Variants in DOCK3 observed in about 807,000 individuals in gnomAD.
The protein encoded by DOCK3 is dedicator of cytokinesis protein 3.
Under a neutral mutation model 265.6 loss-of-function variants are expected in DOCK3, and 60 were observed. The observed-to-expected ratio is 0.23, with a 90% CI of 0.18 to 0.28. The LOEUF is 0.28. DOCK3 is among the 10% of genes least tolerant of loss of function. The probability of loss-of-function intolerance (pLI) is 1.00; values close to 1 mark genes in which losing one functional copy is unlikely to be tolerated. For missense variants in DOCK3, 1,981 were observed against 2,594.3 expected (o/e 0.76, Z 5.14); for synonymous variants, 881 against 938.0 (o/e 0.94, Z 1.11).
intron 10 of DOCK3, among the ~76,000 whole-genome samples, chr3:51,147,401 TTACATAGGTA>T (rs1273990550): frequency 6.6e-6 from 1 of 152,232 alleles, no homozygotes; most frequent in African/African-American, 2.4e-5. Flanking sequence ...TGCAGGTTTG[TTACATAGGTA>T]TACATGTGCC....
At chr3:51,275,230 C>G (rs761642857) in intron 25 of DOCK3, 24 bp downstream of exon 25, 3 of 1,613,386 alleles carry the variant, frequency 1.9e-6, no homozygotes, top group African/African-American at 1.3e-5. Context: ...ACCCACTCCA[C>G]CCTGTTCAGC....
At chr3:51,114,823 G>A (rs1387249476) in intron 9 of DOCK3, among the ~76,000 whole-genome samples, 2 of 151,488 alleles carry the variant, frequency 1.3e-5, no homozygotes, top group Non-Finnish European at 2.9e-5. Flanking sequence ...CCCCCAACAG[G>A]CCCCAGTGTG....
chr3:50,812,873 C>T (rs1050308799), intron 2 of DOCK3, among the ~76,000 whole-genome samples: 2 of 152,192 alleles, frequency 1.3e-5, no homozygotes, highest in Admixed American at 6.5e-5. Context: ...GTATTACTAA[C>T]CAGGGCAAAG....
At chr3:51,310,498 C>T (rs2083008197) in intron 28 of DOCK3, among the ~76,000 whole-genome samples, 172 bp downstream of exon 28, 2 of 152,174 alleles carry the variant, frequency 1.3e-5, no homozygotes, top group Non-Finnish European at 2.9e-5. Context: ...GATGATGGCA[C>T]AGTAAGGATA....
chr3:51,019,626 A>G (rs1201130549), intron 5 of DOCK3, among the ~76,000 whole-genome samples: 1 of 151,200 alleles, frequency 6.6e-6, no homozygotes, highest in Non-Finnish European at 1.5e-5. Context: ...TCCTCCTTCC[A>G]CCCTCACCTC....
chr3:50,700,661 A>T (rs573939665), intron 1 of DOCK3, among the ~76,000 whole-genome samples: 2 of 61,442 alleles, frequency 3.3e-5, no homozygotes, highest in East Asian at 6.1e-4. Flanking sequence ...TACATACCAC[A>T]TTATCTTTAT....
chr3:50,976,190 G>T (rs1331821993), intron 5 of DOCK3, among the ~76,000 whole-genome samples: 1 of 101,368 alleles, frequency 9.9e-6, no homozygotes, highest in African/African-American at 3.5e-5. Flanking sequence ...GCTAGCTTTT[G>T]AATGTGTTTG....
At chr3:51,024,925 C>T (rs758872960) in intron 5 of DOCK3, among the ~76,000 whole-genome samples, 7 of 152,052 alleles carry the variant, frequency 4.6e-5, no homozygotes, top group Admixed American at 1.3e-4. Flanking sequence ...TGATGATTGC[C>T]GAGGTCATGC....
intron 5 of DOCK3, among the ~76,000 whole-genome samples, chr3:50,978,893 G>A (rs1452447294): frequency 6.6e-6 from 1 of 152,208 alleles, no homozygotes; most frequent in African/African-American, 2.4e-5. Context: ...ATTCGGGTGG[G>A]AGTGACCCGA....
chr3:51,087,208 A>G lies in DOCK3; in HGVS notation c.550-2035A>G, dbSNP rs549795412. On this transcript the variant is annotated intron_variant, in intron 7 of 52. Coordinates refer to ENST00000266037, the MANE Select transcript of DOCK3 (RefSeq NM_004947.5). ...AGATGGGCCAGTATCCTTGATGAAC[A>G]CAATAAATACAGACACAAAAATCCT... Among the ~76,000 whole-genome samples, 46 of 152,324 alleles carry G rather than the reference A, an allele frequency of 3.0e-4. No homozygotes were observed. The South Asian group carries it at 7.9e-3, about 26-fold the overall frequency.
At chr3:51,112,317 A>T (rs897905459) in intron 9 of DOCK3, among the ~76,000 whole-genome samples, 54 of 152,178 alleles carry the variant, frequency 3.5e-4, no homozygotes, top group Non-Finnish European at 1.5e-4. Context: ...AAAAAATTAT[A>T]AGTAAAAAAG....
intron 12 of DOCK3, among the ~76,000 whole-genome samples, chr3:51,199,178 C>T (rs1287628348): frequency 6.6e-6 from 1 of 152,174 alleles, no homozygotes; most frequent in Non-Finnish European, 1.5e-5. Context: ...GAGTGCCAGA[C>T]AATGGGCGCA....
chr3:51,100,018 T>G (rs1030500044), intron 9 of DOCK3, among the ~76,000 whole-genome samples: 1 of 141,660 alleles, frequency 7.1e-6, no homozygotes, highest in Non-Finnish European at 1.5e-5. Context: ...GTCACCCTTA[T>G]TTACTTAAGG....
chr3:50,833,245 C>T (rs186890952), intron 2 of DOCK3, among the ~76,000 whole-genome samples: 121 of 152,212 alleles, frequency 7.9e-4, no homozygotes, highest in African/African-American at 2.3e-3. Flanking sequence ...GATAAAACTT[C>T]GAAACAACTG....
intron 32 of DOCK3, among the ~76,000 whole-genome samples, chr3:51,316,970 G>T (rs2083403365): frequency 6.6e-6 from 1 of 152,000 alleles, no homozygotes. Flanking sequence ...ATGAAGTCCA[G>T]TTTGTCAATG....
chr3:50,793,559 T>C (rs1344971916), intron 2 of DOCK3, among the ~76,000 whole-genome samples: 1 of 152,072 alleles, frequency 6.6e-6, no homozygotes, highest in African/African-American at 2.4e-5. Context: ...GATTTCGCCT[T>C]GTTGGTCAGG....
intron 1 of DOCK3, among the ~76,000 whole-genome samples, chr3:50,749,582 A>G (rs1485843314): frequency 6.6e-6 from 1 of 152,088 alleles, no homozygotes; most frequent in African/African-American, 2.4e-5. Context: ...ACCTATTTTT[A>G]AAAATCCTAT....
chr3:51,058,705 A>G (rs2081287856), intron 5 of DOCK3, among the ~76,000 whole-genome samples: 1 of 152,174 alleles, frequency 6.6e-6, no homozygotes, highest in Admixed American at 6.5e-5. Context: ...TCCAGGATCA[A>G]GATTGGCAGA....
chr3:51,199,876 GA>G (rs1052328998), intron 12 of DOCK3, among the ~76,000 whole-genome samples: 1 of 152,150 alleles, frequency 6.6e-6, no homozygotes, highest in Non-Finnish European at 1.5e-5. Flanking sequence ...CGCGGTTCAC[GA>G]AAAACCACTG....
Sources: allele counts gnomAD v4.1 joint callset (sites outside exome capture counted in the v4.1 genomes callset), GRCh38; gene constraint gnomAD v4.1.1; transcripts MANE v1.5; gene names NCBI Gene and HGNC (gene_info 2026-07-23, HGNC 2026-07-21).